The following PCDH9 variants were observed in gnomAD, a reference collection of about 807,000 sequenced individuals.
The protein encoded by PCDH9 is protocadherin-9.
A neutral mutation model predicts 70.6 loss-of-function variants in PCDH9; 24 were observed. The ratio of observed to expected loss-of-function variants is 0.34; its 90% CI spans 0.25 to 0.48. The LOEUF is 0.48. Ranked by LOEUF, PCDH9 falls within the 20% of genes least tolerant of loss-of-function variation. The probability of loss-of-function intolerance (pLI) is 0.99; values close to 1 mark genes in which losing one functional copy is unlikely to be tolerated. For missense variants in PCDH9, 1,281 were observed against 1,503.6 expected (o/e 0.85, Z 2.45); for synonymous variants, 562 against 558.5 (o/e 1.01, Z -0.09).
chr13:66,921,860 T>C (rs2082641544), intron 2 of PCDH9, among the ~76,000 whole-genome samples: 1 of 151,374 alleles, frequency 6.6e-6, no homozygotes, highest in Non-Finnish European at 1.5e-5. Flanking sequence ...TCAACAGTCA[T>C]TTAAACTGTC....
At chr13:67,178,999 G>T (rs1359657714) in intron 2 of PCDH9, among the ~76,000 whole-genome samples, 1 of 152,066 alleles carries the variant, frequency 6.6e-6, no homozygotes, top group Non-Finnish European at 1.5e-5. Context: ...TAAAGTCCAT[G>T]AGGACAAAAA....
intron 4 of PCDH9, among the ~76,000 whole-genome samples, chr13:66,484,336 T>C (rs1958900555): frequency 6.6e-6 from 1 of 152,004 alleles, no homozygotes; most frequent in African/African-American, 2.4e-5. Context: ...CATACTGCCG[T>C]AGGGTCGTAG....
intron 4 of PCDH9, among the ~76,000 whole-genome samples, chr13:66,495,037 A>C (rs2138543087): frequency 6.6e-6 from 1 of 152,280 alleles, no homozygotes; most frequent in South Asian, 2.1e-4. Flanking sequence ...AAGGGAAGAA[A>C]GGAAGAACAA....
At chr13:66,917,344 C>A (rs901272696) in intron 2 of PCDH9, among the ~76,000 whole-genome samples, 26 of 151,444 alleles carry the variant, frequency 1.7e-4, no homozygotes, top group African/African-American at 6.0e-4. Context: ...CTAAAATTGT[C>A]TTTTCCATTT....
chr13:66,813,809 T>G (rs1454006036), intron 3 of PCDH9, among the ~76,000 whole-genome samples: 1 of 152,138 alleles, frequency 6.6e-6, no homozygotes, highest in African/African-American at 2.4e-5. Context: ...AGTGCTTTAT[T>G]ATGCACAATA....
chr13:66,585,364 C>A (rs898841994), intron 4 of PCDH9, among the ~76,000 whole-genome samples: 2 of 151,916 alleles, frequency 1.3e-5, no homozygotes, highest in East Asian at 1.9e-4. Context: ...CCATCCCCCC[C>A]AAAAAATCTG....
intron 3 of PCDH9, among the ~76,000 whole-genome samples, chr13:66,834,563 G>A (rs559773859): frequency 5.0e-4 from 76 of 152,176 alleles, no homozygotes; most frequent in African/African-American, 1.5e-3. Context: ...GAATGCTTTC[G>A]AACCCTTGGA....
intron 2 of PCDH9, among the ~76,000 whole-genome samples, chr13:67,187,351 A>G (rs1184478464): frequency 2.6e-5 from 4 of 152,210 alleles, no homozygotes; most frequent in African/African-American, 4.8e-5. Flanking sequence ...AAGGCAGAGT[A>G]TAGAAATGTG....
chr13:66,379,940 C>G (rs1956815551), intron 4 of PCDH9, among the ~76,000 whole-genome samples: 2 of 151,824 alleles, frequency 1.3e-5, no homozygotes, highest in Middle Eastern at 3.4e-3. Flanking sequence ...AACAAACAAA[C>G]AAATAAAACC....
rs186831969 is a variant in PCDH9, at chr13:66,619,744, T to C, written c.3340+11466A>G. On this transcript the variant is annotated intron_variant, in intron 4 of 4. Coordinates refer to ENST00000377865, the MANE Select transcript of PCDH9 (RefSeq NM_203487.3). ...ACATTACTTCCAAAAAATCCACCAT[T>C]AACTATGTGTAGAGCTCAAATATCC... Among the ~76,000 whole-genome samples, 416 of 152,264 alleles carry C rather than the reference T, an allele frequency of 2.7e-3. 1 individual carries two copies. Among genetic ancestry groups the C allele is most frequent in the African/African-American group, 9.7e-3 (402 of 41,566 alleles).
At chr13:67,145,644 A>G (rs1343195001) in intron 2 of PCDH9, among the ~76,000 whole-genome samples, 1 of 152,064 alleles carries the variant, frequency 6.6e-6, no homozygotes, top group Admixed American at 6.6e-5. Flanking sequence ...ATTCATATGT[A>G]TGGCTTCAAA....
At chr13:66,740,779 AG>A (rs2079250578) in intron 3 of PCDH9, among the ~76,000 whole-genome samples, 1 of 151,222 alleles carries the variant, frequency 6.6e-6, no homozygotes, top group Non-Finnish European at 1.5e-5. Flanking sequence ...CACTCTCCCA[AG>A]ACTAAACCAG....
intron 4 of PCDH9, among the ~76,000 whole-genome samples, chr13:66,562,207 A>G (rs891055197): frequency 1.3e-5 from 2 of 152,166 alleles, no homozygotes; most frequent in Non-Finnish European, 2.9e-5. Flanking sequence ...AAGGAAAAAA[A>G]AAATCAAACT....
intron 3 of PCDH9, among the ~76,000 whole-genome samples, chr13:66,855,964 CAAAA>C (rs1359018645): frequency 6.6e-6 from 1 of 151,660 alleles, no homozygotes; most frequent in African/African-American, 2.4e-5. Flanking sequence ...TCATGAATCT[CAAAA>C]AAATTATGAA....
intron 4 of PCDH9, among the ~76,000 whole-genome samples, chr13:66,436,814 A>G (rs1018608139): frequency 6.6e-6 from 1 of 152,290 alleles, no homozygotes; most frequent in Non-Finnish European, 1.5e-5. Context: ...AAAATTATAC[A>G]AGACAAAGCT....
At chr13:67,077,559 T>C (rs770526941) in intron 2 of PCDH9, among the ~76,000 whole-genome samples, 1 of 152,236 alleles carries the variant, frequency 6.6e-6, no homozygotes, top group Non-Finnish European at 1.5e-5. Flanking sequence ...TTTGTCTCTT[T>C]GTATCACTGA....
At chr13:66,567,749 C>T (rs867237547) in intron 4 of PCDH9, among the ~76,000 whole-genome samples, 7 of 152,114 alleles carry the variant, frequency 4.6e-5, no homozygotes, top group Non-Finnish European at 7.4e-5. Flanking sequence ...ATTTAATTGA[C>T]ATTATAATCT....
chr13:66,584,698 A>G (rs541093671), intron 4 of PCDH9, among the ~76,000 whole-genome samples: 1 of 152,304 alleles, frequency 6.6e-6, no homozygotes, highest in South Asian at 2.1e-4. Context: ...ATATGTGACT[A>G]GTAATTCAAA....
intron 2 of PCDH9, among the ~76,000 whole-genome samples, chr13:66,916,673 T>G (rs2082562707): frequency 6.6e-6 from 1 of 151,598 alleles, no homozygotes; most frequent in African/African-American, 2.4e-5. Context: ...AATGGCTGAT[T>G]GCGATCAAGA....
Sources: allele counts gnomAD v4.1 joint callset (sites outside exome capture counted in the v4.1 genomes callset), GRCh38; gene constraint gnomAD v4.1.1; transcripts MANE v1.5; gene names NCBI Gene and HGNC (gene_info 2026-07-23, HGNC 2026-07-21).